Variants in ATP10A observed in about 807,000 individuals in gnomAD.
The protein encoded by ATP10A is phospholipid-transporting ATPase VA.
Under a neutral mutation model 147.8 loss-of-function variants are expected in ATP10A, and 111 were observed. The ratio of observed to expected loss-of-function variants is 0.75; its 90% CI spans 0.64 to 0.88. The LOEUF (loss-of-function observed/expected upper bound fraction) is 0.88, where lower values mean the gene tolerates loss of function less well. Among genes scored for constraint, ATP10A ranks in the 40% least tolerant of loss-of-function variants. The probability of loss-of-function intolerance (pLI) is 0.00; values close to 1 mark genes in which losing one functional copy is unlikely to be tolerated. For missense variants in ATP10A, 1,927 were observed against 1,959.0 expected, an observed-to-expected ratio of 0.98 and a Z score of 0.31; for synonymous variants, 875 against 841.6, an observed-to-expected ratio of 1.04 and a Z score of -0.69.
intron 2 of ATP10A, among the ~76,000 whole-genome samples, chr15:25,766,830 C>A (rs926815883): frequency 2.0e-5 from 3 of 151,234 alleles, no homozygotes; most frequent in South Asian, 2.1e-4. Flanking sequence ...TGAGAAGGCA[C>A]CAGTCCCAAA....
chr15:25,718,965 G>A (rs1435111090), intron 7 of ATP10A, among the ~76,000 whole-genome samples: 1 of 152,202 alleles, frequency 6.6e-6, no homozygotes, highest in Non-Finnish European at 1.5e-5. Context: ...AGATGATCTT[G>A]ACTGTGATGT....
At chr15:25,762,713 C>A (rs1888822553) in intron 2 of ATP10A, among the ~76,000 whole-genome samples, 1 of 152,134 alleles carries the variant, frequency 6.6e-6, no homozygotes, top group Non-Finnish European at 1.5e-5. Flanking sequence ...TCCTAACCAG[C>A]TAGGAATTGG....
At chr15:25,860,176 A>G (rs1893694749) in intron 1 of ATP10A, among the ~76,000 whole-genome samples, 1 of 151,886 alleles carries the variant, frequency 6.6e-6, no homozygotes, top group African/African-American at 2.4e-5. Context: ...TGTACCCTAG[A>G]ACCTGTTCTC....
At chr15:25,677,646 G>A (rs1445060420), downstream of ATP10A, 1 of 152,306 alleles carries the variant, frequency 6.6e-6, no homozygotes, top group East Asian at 1.9e-4. Flanking sequence ...GAACAGAGGA[G>A]GTGGCATCAG....
chr15:25,775,957 C>T (rs1374916974), intron 2 of ATP10A, among the ~76,000 whole-genome samples: 1 of 152,222 alleles, frequency 6.6e-6, no homozygotes, highest in Non-Finnish European at 1.5e-5. Context: ...GCACCGAAGA[C>T]TTCAACCGTC....
intron 3 of ATP10A, among the ~76,000 whole-genome samples, chr15:25,735,438 A>G (rs929851606): frequency 5.3e-5 from 8 of 152,174 alleles, no homozygotes; most frequent in Non-Finnish European, 7.3e-5. Context: ...GCAAGTGCCA[A>G]CACAGGGCCA....
intron 19 of ATP10A, 96 bp from the exon 20 acceptor site, chr15:25,680,404 G>A (rs1899338828): frequency 7.7e-7 from 1 of 1,294,482 alleles, no homozygotes; most frequent in Non-Finnish European, 1.1e-6. Flanking sequence ...GAGCAGGTGT[G>A]AGGTTCTGAG....
At chr15:25,864,443 C>G (rs909390660), upstream of ATP10A, among the ~76,000 whole-genome samples, 7 of 152,158 alleles carry the variant, frequency 4.6e-5, no homozygotes, top group African/African-American at 1.7e-4. Context: ...AGGCACTGCC[C>G]TGGATGGACT....
At chr15:25,792,385 A>T (rs891956990) in intron 1 of ATP10A, among the ~76,000 whole-genome samples, 1 of 152,156 alleles carries the variant, frequency 6.6e-6, no homozygotes, top group Non-Finnish European at 1.5e-5. Flanking sequence ...GACAGTGGCC[A>T]CCAGCCCTCC....
At chr15:25,785,940 C>T (rs954992862) in intron 1 of ATP10A, among the ~76,000 whole-genome samples, 1 of 152,212 alleles carries the variant, frequency 6.6e-6, no homozygotes, top group Non-Finnish European at 1.5e-5. Context: ...TGGGGCTGTG[C>T]GGGGTCCGGT....
At chr15:25,722,482 A>G (rs1478186701) in intron 6 of ATP10A, among the ~76,000 whole-genome samples, 1 of 152,118 alleles carries the variant, frequency 6.6e-6, no homozygotes, top group African/African-American at 2.4e-5. Context: ...TGCCTCCATA[A>G]TTTAAGAACA....
chr15:25,739,755 G>A (rs980244050), intron 2 of ATP10A, among the ~76,000 whole-genome samples: 1 of 152,164 alleles, frequency 6.6e-6, no homozygotes, highest in Non-Finnish European at 1.5e-5. Context: ...ATATCTCACC[G>A]GCAAGAAAGA....
intron 2 of ATP10A, among the ~76,000 whole-genome samples, chr15:25,769,877 T>C (rs1334729309): frequency 6.6e-6 from 1 of 152,066 alleles, no homozygotes; most frequent in East Asian, 1.9e-4. Flanking sequence ...AAAGAGGTAA[T>C]AAGGGTTAAA....
chr15:25,777,324 A>T (rs1435482994), intron 2 of ATP10A, among the ~76,000 whole-genome samples: 1 of 152,010 alleles, frequency 6.6e-6, no homozygotes, highest in African/African-American at 2.4e-5. Context: ...GTCTTCATCC[A>T]CTGCAGCGAG....
chr15:25,694,373 C>G (rs1243740873), intron 14 of ATP10A, among the ~76,000 whole-genome samples: 2 of 152,240 alleles, frequency 1.3e-5, no homozygotes, highest in Non-Finnish European at 2.9e-5. Flanking sequence ...TTCTGGTCAC[C>G]AAGCCTCTGG....
At chr15:25,800,506 T>G (rs1351764436) in intron 1 of ATP10A, among the ~76,000 whole-genome samples, 1 of 152,172 alleles carries the variant, frequency 6.6e-6, no homozygotes, top group Non-Finnish European at 1.5e-5. Flanking sequence ...CGGTTGCAGC[T>G]GGGAGCTGAC....
At chr15:25,684,627 G>T (rs1414561402) in intron 16 of ATP10A, among the ~76,000 whole-genome samples, 1 of 152,162 alleles carries the variant, frequency 6.6e-6, no homozygotes, top group Non-Finnish European at 1.5e-5. Flanking sequence ...CACGGTGTGA[G>T]TAAGGAACCC....
intron 1 of ATP10A, among the ~76,000 whole-genome samples, chr15:25,836,520 C>T (rs559758474): frequency 9.2e-5 from 14 of 152,190 alleles, no homozygotes; most frequent in African/African-American, 2.9e-4. Context: ...CAATCACGCA[C>T]GTCGATTTCA....
intron 10 of ATP10A, chr15:25,710,356 G>A (rs1174675819): frequency 6.6e-6 from 1 of 152,516 alleles, no homozygotes; most frequent in East Asian, 1.9e-4. Context: ...GGTCGGGGCA[G>A]GAGCAGGAGG....
Sources: gnomAD v4.1 joint callset for allele counts (sites outside exome capture counted in the v4.1 genomes callset) on GRCh38, gnomAD v4.1.1 for gene constraint, MANE v1.5 for transcripts, NCBI Gene and HGNC (gene_info 2026-07-23, HGNC 2026-07-21) for gene names.